Variants in WDR7 observed in about 807,000 individuals in gnomAD.
The protein encoded by WDR7 is WD repeat domain 7.
WDR7 carries 46 observed loss-of-function variants against 169.4 expected under a neutral mutation model. That is an observed-to-expected ratio of 0.27 (90% CI 0.21 to 0.35). WDR7 has a LOEUF of 0.35. Ranked by LOEUF, WDR7 falls within the 10% of genes least tolerant of loss-of-function variation. The pLI is 1.00. For synonymous variants in WDR7, 612 were observed against 666.8 expected, an observed-to-expected ratio of 0.92 and a Z score of 1.27; for missense variants, 1,534 against 1,859.3, an observed-to-expected ratio of 0.83 and a Z score of 3.22.
At chr18:56,730,970 AG>A (rs1478330578) in intron 13 of WDR7, among the ~76,000 whole-genome samples, 7 of 152,286 alleles carry the variant, frequency 4.6e-5, no homozygotes, top group Admixed American at 1.3e-4. Context: ...TTATTCAATG[AG>A]GAAAAAAACA....
At chr18:56,808,162 G>A (rs907956886) in intron 19 of WDR7, among the ~76,000 whole-genome samples, 4 of 152,154 alleles carry the variant, frequency 2.6e-5, no homozygotes, top group African/African-American at 7.2e-5. Context: ...CATAAGGATT[G>A]TGGGGAATGT....
intron 21 of WDR7, among the ~76,000 whole-genome samples, chr18:56,889,576 G>A (rs1321477989): frequency 6.6e-6 from 1 of 152,170 alleles, no homozygotes; most frequent in South Asian, 2.1e-4. Flanking sequence ...ATTAAACTTT[G>A]TGCAGACAAT....
intron 2 of WDR7, among the ~76,000 whole-genome samples, chr18:56,678,436 C>T (rs1204154802): frequency 1.1e-4 from 17 of 151,894 alleles, no homozygotes; most frequent in Non-Finnish European, 2.5e-4. Flanking sequence ...TCCAGATATG[C>T]GAAAGGACTT....
intron 20 of WDR7, among the ~76,000 whole-genome samples, chr18:56,838,073 C>T (rs950761331): frequency 2.2e-5 from 3 of 136,262 alleles, no homozygotes; most frequent in Non-Finnish European, 4.6e-5. Context: ...GCATTATGAA[C>T]AAGAATAAGA....
chr18:56,675,747 A>G (rs542913305), intron 2 of WDR7, among the ~76,000 whole-genome samples: 2 of 152,172 alleles, frequency 1.3e-5, no homozygotes, highest in Non-Finnish European at 2.9e-5. Context: ...AATATTGAAT[A>G]GAAGTGGCAA....
At chr18:56,914,388 A>G (rs1366768456) in intron 21 of WDR7, among the ~76,000 whole-genome samples, 1 of 152,226 alleles carries the variant, frequency 6.6e-6, no homozygotes, top group Non-Finnish European at 1.5e-5. Context: ...GATAAGCTTC[A>G]GAAGAGCATA....
chr18:56,658,394 G>A (rs1598938813), intron 1 of WDR7, among the ~76,000 whole-genome samples: 2 of 152,048 alleles, frequency 1.3e-5, no homozygotes, highest in South Asian at 2.1e-4. Context: ...GAGCCACTGC[G>A]CCCAGCCTGG....
In WDR7 at chr18:56,813,549, G is replaced by A. The variant is rs144985035; in HGVS notation, c.3191-2482G>A. Among the ~76,000 whole-genome samples the A allele has an allele frequency of 8.2e-3, 1,239 of 150,766 alleles. 19 individuals carry two copies. Among genetic ancestry groups the A allele is most frequent in the African/African-American group, 0.027 (1,087 of 40,952 alleles). ...GAATTCTTTTTTTTCTTCTTCTTCA[G>A]CCTGTTAATATTTTGGATCTTAATT... is the stretch of plus-strand genomic sequence containing the variant. On this transcript the variant is annotated intron_variant, in intron 19 of 27. Coordinates refer to ENST00000254442, the MANE Select transcript of WDR7 (RefSeq NM_015285.3).
chr18:56,777,974 G>A (rs1323287380), intron 17 of WDR7, among the ~76,000 whole-genome samples: 3 of 152,104 alleles, frequency 2.0e-5, no homozygotes, highest in Non-Finnish European at 4.4e-5. Flanking sequence ...ACCTTGGTGA[G>A]AATCACCATA....
At position 56,874,932 on chromosome 18, in the gene WDR7, T is replaced by C. The variant is rs144338811; in HGVS notation, c.3305-5012T>C. On this transcript the variant is annotated intron_variant, in intron 20 of 27. Transcript: ENST00000254442. ...AGTTTTCTAGATAACCAATCCTCCT[T>C]TTTCCCTTACATACGTTAAGCCACT... 6.1e-4 allele frequency among the ~76,000 whole-genome samples: 93 copies of C among 152,288 alleles called. No individual in the cohort carries two copies. The East Asian group carries it at 0.017, about 27-fold the overall frequency.
chr18:56,880,823 TTAA>T, intron 21 of WDR7, among the ~76,000 whole-genome samples: 1 of 152,280 alleles, frequency 6.6e-6, no homozygotes, highest in Non-Finnish European at 1.5e-5. Flanking sequence ...GCTTGGTATG[TTAA>T]TAATAGGTAA....
chr18:56,760,394 CTA>C (rs2043963062), intron 16 of WDR7, among the ~76,000 whole-genome samples: 1 of 152,098 alleles, frequency 6.6e-6, no homozygotes, highest in Non-Finnish European at 1.5e-5. Context: ...TTTCTAAACT[CTA>C]TTGTTTAATT....
chr18:56,833,813 G>A (rs1387846019), intron 20 of WDR7, among the ~76,000 whole-genome samples: 2 of 152,074 alleles, frequency 1.3e-5, no homozygotes, highest in African/African-American at 4.8e-5. Context: ...GAACATAAAG[G>A]TTACCGAACT....
At chr18:56,708,764 G>A (rs1401664371) in intron 12 of WDR7, among the ~76,000 whole-genome samples, 3 of 152,036 alleles carry the variant, frequency 2.0e-5, no homozygotes, top group Non-Finnish European at 4.4e-5. Flanking sequence ...GTGAAACCCC[G>A]TGTTTACTAA....
At chr18:56,751,613 C>T (rs1033965903) in intron 14 of WDR7, among the ~76,000 whole-genome samples, 3 of 152,154 alleles carry the variant, frequency 2.0e-5, no homozygotes, top group Non-Finnish European at 4.4e-5. Context: ...TTTGCTGTGA[C>T]ATAACCAGCC....
chr18:56,862,323 ATTATAGCTT>A (rs925793788), intron 20 of WDR7, among the ~76,000 whole-genome samples: 2 of 151,616 alleles, frequency 1.3e-5, no homozygotes, highest in Non-Finnish European at 3.0e-5. Flanking sequence ...TTATGTTGTA[ATTATAGCTT>A]TTTGAATTAA....
intron 26 of WDR7, among the ~76,000 whole-genome samples, chr18:57,009,150 A>G (rs1191924209): frequency 6.6e-6 from 1 of 152,246 alleles, no homozygotes; most frequent in African/African-American, 2.4e-5. Context: ...TATTTTATGA[A>G]TATTATGATT....
intron 27 of WDR7, among the ~76,000 whole-genome samples, chr18:57,024,281 G>C (rs548560020): frequency 2.0e-5 from 3 of 152,038 alleles, no homozygotes; most frequent in African/African-American, 4.8e-5. Flanking sequence ...GTCCTTACTC[G>C]AGCATCGTTT....
chr18:56,872,595 G>GTA (rs1382827180), intron 20 of WDR7: 4 of 152,088 alleles, frequency 2.6e-5, no homozygotes, highest in African/African-American at 9.7e-5. Context: ...ATGAGACCAC[G>GTA]TATCATTTTC....
Sources: allele counts gnomAD v4.1 joint callset (sites outside exome capture counted in the v4.1 genomes callset), GRCh38; gene constraint gnomAD v4.1.1; transcripts MANE v1.5; gene names NCBI Gene and HGNC (gene_info 2026-07-23, HGNC 2026-07-21).